The following ELMO1 variants were observed in gnomAD, a reference collection of about 807,000 sequenced individuals.
ELMO1 encodes the protein engulfment and cell motility 1.
A neutral mutation model predicts 98.9 loss-of-function variants in ELMO1; 26 were observed. The ratio of observed to expected loss-of-function variants is 0.26; its 90% CI spans 0.19 to 0.36. The LOEUF (loss-of-function observed/expected upper bound fraction) is 0.36, where lower values mean the gene tolerates loss of function less well. ELMO1 is among the 10% of genes least tolerant of loss of function. ELMO1 has a pLI of 1.00. For synonymous variants in ELMO1, 346 were observed against 346.0 expected, an observed-to-expected ratio of 1.00 and a Z score of 0.00; for missense variants, 627 against 935.2, an observed-to-expected ratio of 0.67 and a Z score of 4.30.
chr7:37,313,922 T>C (rs1178487507), intron 4 of ELMO1, among the ~76,000 whole-genome samples: 1 of 152,236 alleles, frequency 6.6e-6, no homozygotes, highest in Non-Finnish European at 1.5e-5. Context: ...TAATGACAGC[T>C]GTTACCAGGG....
chr7:37,414,294 G>A (rs1474003270), intron 1 of ELMO1, among the ~76,000 whole-genome samples: 1 of 152,162 alleles, frequency 6.6e-6, no homozygotes, highest in Non-Finnish European at 1.5e-5. Flanking sequence ...TTAGTATCCT[G>A]CTGGAAAATC....
At chr7:37,427,736 G>A (rs1384559206) in intron 1 of ELMO1, among the ~76,000 whole-genome samples, 1 of 152,188 alleles carries the variant, frequency 6.6e-6, no homozygotes, top group Non-Finnish European at 1.5e-5. Context: ...GCAAATTATA[G>A]TAAGAGGAGA....
At chr7:37,423,761 G>A (rs769466848) in intron 1 of ELMO1, among the ~76,000 whole-genome samples, 3 of 152,088 alleles carry the variant, frequency 2.0e-5, no homozygotes, top group East Asian at 1.9e-4. Flanking sequence ...AGGGAAATAC[G>A]GACTTGGGAA....
At chr7:36,948,525 C>G (rs766959545) in intron 16 of ELMO1, among the ~76,000 whole-genome samples, 14 of 152,196 alleles carry the variant, frequency 9.2e-5, no homozygotes, top group Admixed American at 3.9e-4. Context: ...TGTATAAAAT[C>G]ACACAGCTAC....
At chr7:37,094,282 G>A (rs61430755) in intron 15 of ELMO1, among the ~76,000 whole-genome samples, 24,933 of 152,034 alleles carry the variant, frequency 0.16, 2,759 homozygotes, top group African/African-American at 0.31. Context: ...CAGAAGGTGG[G>A]AGATGGAACA....
intron 1 of ELMO1, among the ~76,000 whole-genome samples, chr7:37,369,686 A>AG (rs1554301328): frequency 1.2e-4 from 18 of 151,870 alleles, no homozygotes; most frequent in Middle Eastern, 3.4e-3. Context: ...AAAAAAAAAA[A>AG]AGAGACTGAC....
chr7:37,098,497 T>C (rs1036294290), intron 14 of ELMO1, among the ~76,000 whole-genome samples: 1 of 152,090 alleles, frequency 6.6e-6, no homozygotes, highest in Non-Finnish European at 1.5e-5. Context: ...AATCAAACGA[T>C]GAGAAAGACC....
intron 15 of ELMO1, among the ~76,000 whole-genome samples, chr7:37,019,169 T>C (rs575505274): frequency 6.6e-6 from 1 of 152,350 alleles, no homozygotes; most frequent in South Asian, 2.1e-4. Context: ...ATTGAGGAAC[T>C]GTGAAGATGA....
At chr7:37,382,910 C>CAAT (rs1802638294) in intron 1 of ELMO1, among the ~76,000 whole-genome samples, 1 of 152,158 alleles carries the variant, frequency 6.6e-6, no homozygotes, top group Non-Finnish European at 1.5e-5. Flanking sequence ...ATTTGCAGGG[C>CAAT]CCCAGGCCCA....
intron 16 of ELMO1, among the ~76,000 whole-genome samples, chr7:37,005,614 T>C (rs1211935811): frequency 6.8e-6 from 1 of 146,926 alleles, no homozygotes; most frequent in Non-Finnish European, 1.5e-5. Context: ...ATCACTTGAA[T>C]TCAGGATGCA....
chr7:37,202,480 A>C (rs1792351974), intron 13 of ELMO1, among the ~76,000 whole-genome samples: 3 of 152,220 alleles, frequency 2.0e-5, no homozygotes, highest in Admixed American at 2.0e-4. Flanking sequence ...TCGGTGCTGA[A>C]ATATAAGGCA....
intron 13 of ELMO1, among the ~76,000 whole-genome samples, chr7:37,161,209 A>G (rs1222539733): frequency 6.6e-6 from 1 of 152,106 alleles, no homozygotes; most frequent in Non-Finnish European, 1.5e-5. Context: ...CCTGGTTCTT[A>G]CACCATGCCT....
intron 13 of ELMO1, among the ~76,000 whole-genome samples, chr7:37,188,487 T>TAAAAAAAAAAAAAA (rs869157346): frequency 3.1e-5 from 1 of 32,048 alleles, no homozygotes; most frequent in African/African-American, 8.3e-5. Context: ...TGGAGAAAGG[T>TAAAAAAAAAAAAAA]AAAAAAAAAA....
At chr7:36,885,792 C>T (rs1026367531) in intron 18 of ELMO1, among the ~76,000 whole-genome samples, 11 of 152,180 alleles carry the variant, frequency 7.2e-5, no homozygotes, top group African/African-American at 2.7e-4. Context: ...ATTTAAAGAA[C>T]TGAGAAGCCT....
intron 13 of ELMO1, among the ~76,000 whole-genome samples, chr7:37,154,510 G>A (rs938984702): frequency 2.0e-5 from 3 of 152,316 alleles, no homozygotes; most frequent in South Asian, 2.1e-4. Context: ...CGAGAACTGC[G>A]TGAAGCATAC....
intron 1 of ELMO1, among the ~76,000 whole-genome samples, chr7:37,445,925 C>G (rs1480027400): frequency 6.6e-6 from 1 of 152,152 alleles, no homozygotes; most frequent in African/African-American, 2.4e-5. Context: ...TGATGAAACA[C>G]CAGATCTGGA....
chr7:36,895,125 T>A, intron 16 of ELMO1, 108 bp from the exon 17 acceptor site: 1 of 1,266,334 alleles, frequency 7.9e-7, no homozygotes, highest in Non-Finnish European at 1.1e-6. Context: ...TCTGCACGCA[T>A]GCTCAGCATT....
intron 1 of ELMO1, among the ~76,000 whole-genome samples, chr7:37,434,083 C>G (rs1275742157): frequency 6.6e-6 from 1 of 152,128 alleles, no homozygotes; most frequent in East Asian, 1.9e-4. Context: ...AAAAGTAACT[C>G]AAAGGATTTA....
intron 1 of ELMO1, among the ~76,000 whole-genome samples, chr7:37,370,600 C>T (rs984825420): frequency 2.6e-5 from 4 of 152,012 alleles, no homozygotes; most frequent in Admixed American, 2.0e-4. Context: ...GGACAAGCAA[C>T]CCAAAAGGCA....
Sources: gnomAD v4.1 joint callset for allele counts (sites outside exome capture counted in the v4.1 genomes callset) on GRCh38, gnomAD v4.1.1 for gene constraint, MANE v1.5 for transcripts, NCBI Gene and HGNC (gene_info 2026-07-23, HGNC 2026-07-21) for gene names.